The following HLCS variants were observed in gnomAD, a reference collection of about 807,000 sequenced individuals.
HLCS encodes biotin--protein ligase.
HLCS carries 53 observed loss-of-function variants against 75.0 expected under a neutral mutation model. The ratio of observed to expected loss-of-function variants is 0.71; its 90% confidence interval spans 0.57 to 0.89. The LOEUF is 0.89. Among genes scored for constraint, HLCS ranks in the 40% least tolerant of loss-of-function variants. The pLI is 0.00. For synonymous variants in HLCS, 431 were observed against 428.6 expected, an observed-to-expected ratio of 1.01 and a Z score of -0.07; for missense variants, 966 against 1,074.0, an observed-to-expected ratio of 0.90 and a Z score of 1.41.
At chr21:36,923,861 C>T (rs1338949191) in intron 5 of HLCS, among the ~76,000 whole-genome samples, 2 of 152,152 alleles carry the variant, frequency 1.3e-5, no homozygotes, top group African/African-American at 4.8e-5. Context: ...CAAAAAATTT[C>T]CAGCGTAGGT....
intron 2 of HLCS, among the ~76,000 whole-genome samples, chr21:36,951,915 G>A (rs957581354): frequency 6.6e-6 from 1 of 152,152 alleles, no homozygotes; most frequent in Non-Finnish European, 1.5e-5. Flanking sequence ...ATGAATAAGC[G>A]AAAATATGAG....
At chr21:36,854,600 AG>A (rs776038232) in intron 6 of HLCS, among the ~76,000 whole-genome samples, 19 of 152,172 alleles carry the variant, frequency 1.2e-4, no homozygotes, top group Non-Finnish European at 2.2e-4. Flanking sequence ...GCACTGAGGA[AG>A]CAGAGGTCAC....
intron 6 of HLCS, among the ~76,000 whole-genome samples, chr21:36,819,425 G>GA (rs1281336664): frequency 2.0e-5 from 3 of 152,136 alleles, no homozygotes; most frequent in African/African-American, 7.2e-5. Flanking sequence ...ATATTACACT[G>GA]AAAAAATCTG....
chr21:36,888,682 C>A (rs964416686), intron 6 of HLCS, among the ~76,000 whole-genome samples: 2 of 151,130 alleles, frequency 1.3e-5, no homozygotes, highest in African/African-American at 2.4e-5. Context: ...CTGGCGTGGG[C>A]GCATCACCAG....
rs1274687853 is a variant in HLCS, at chr21:36,753,099, T to G, written c.*1147A>C. ...AGGCTTCATTTCTTTTGTTCTTTCA[T>G]GAGGCTTGTAGCACATCAAATTTTG... On this transcript the variant is annotated 3_prime_UTR_variant, in exon 11 of 11. Transcript: ENST00000674895. The surrounding 1 kb of genome is among the most constrained non-coding windows in gnomAD (Gnocchi z 4.3). The G allele has an allele frequency of 2.6e-5, 4 of 152,822 alleles. No homozygotes were observed. In the East Asian group the frequency reaches 7.7e-4, roughly 29 times the overall value. The allele number at this position is 152,822 out of a possible 1,614,324, so 9.5% of individuals were successfully genotyped here. A position where few individuals can be genotyped will look rare whatever the true frequency, so the allele number is the denominator to read the frequency against.
chr21:36,910,609 A>T (rs1456434051), intron 5 of HLCS, among the ~76,000 whole-genome samples: 1 of 151,634 alleles, frequency 6.6e-6, no homozygotes, highest in African/African-American at 2.4e-5. Context: ...CATCTAAGGC[A>T]GGGATTGATC....
At chr21:36,904,232 C>A (rs1341989332) in intron 5 of HLCS, among the ~76,000 whole-genome samples, 1 of 152,178 alleles carries the variant, frequency 6.6e-6, no homozygotes, top group African/African-American at 2.4e-5. Flanking sequence ...GTAAGTCAAC[C>A]TGACTTGCCA....
intron 6 of HLCS, among the ~76,000 whole-genome samples, chr21:36,775,305 CT>C (rs1202718914): frequency 6.6e-6 from 1 of 152,230 alleles, no homozygotes; most frequent in Non-Finnish European, 1.5e-5. Context: ...AATGAGGCTC[CT>C]TTTTGGTAAG....
intron 6 of HLCS, among the ~76,000 whole-genome samples, chr21:36,843,442 G>A (rs1362162072): frequency 1.4e-5 from 1 of 73,164 alleles, no homozygotes; most frequent in Non-Finnish European, 2.9e-5. Flanking sequence ...TGTCCTCCCC[G>A]CCCACCCCAC....
chr21:36,821,482 G>A (rs189125649), intron 6 of HLCS, among the ~76,000 whole-genome samples: 59 of 152,320 alleles, frequency 3.9e-4, no homozygotes, highest in Non-Finnish European at 7.3e-4. Context: ...CGGCCACCGT[G>A]TCACACTTAC....
In HLCS at chr21:36,988,417, G is replaced by A. The variant is rs576180104; in HGVS notation, c.-393+1741C>T. On this transcript the variant is annotated intron_variant, in intron 1 of 11. Coordinates refer to the HLCS transcript ENST00000336648. ...CCTCACTGTTTTTTATACGTGCATT[G>A]TGTGGATGTACCAGGGTTTATTCAC... Among the ~76,000 whole-genome samples the A allele has an allele frequency of 1.4e-3, 210 of 152,264 alleles. 1 individual carries two copies. Among genetic ancestry groups the A allele is most frequent in the African/African-American group, 4.8e-3 (198 of 41,540 alleles).
In HLCS at chr21:36,938,919, T is replaced by C; in HGVS notation, c.406A>G (p.Ser136Gly). The change falls in exon 3 of 11, where the codon AGT becomes GGT. Residue 136 changes from serine (S) to glycine (G), a missense_variant. Physicochemically the swap from Ser to Gly is moderately conservative, Grantham distance 56. Transcript: ENST00000674895. ...GDPYRLIAEASVDNFSKLGVA... is the reference protein window; with the variant it reads ...GDPYRLIAEAGVDNFSKLGVA... ...CCCAGCTTGCTGAAGTTGTCCACAC[T>C]TGCTTCAGCAATTAGCCGATAAGGA... The C allele has an allele frequency of 6.2e-7, 1 of 1,613,924 alleles. No individual in the cohort carries two copies. Among genetic ancestry groups the C allele is most frequent in the Admixed American group, 1.7e-5 (1 of 60,026 alleles).
At chr21:36,790,182 C>G (rs565806042) in intron 6 of HLCS, among the ~76,000 whole-genome samples, 13 of 152,046 alleles carry the variant, frequency 8.6e-5, no homozygotes, top group Admixed American at 7.2e-4. Flanking sequence ...AAGGTGGGCC[C>G]ATCACGAGGT....
At position 36,753,708 on chromosome 21, in the gene HLCS, G is replaced by C. The variant is rs1883509026; in HGVS notation, c.*538C>G. The C allele has an allele frequency of 5.9e-6, 1 of 170,098 alleles. No individual in the cohort carries two copies. The allele number at this position is 170,098 out of a possible 1,614,324, so 10.5% of individuals were successfully genotyped here. Reference sequence around the variant, plus strand: ...ATGGGGCCACACCACCGGGTGGACAGTAACTCTTGGAAGTCTGTCTTCCCT... The same window carrying C: ...ATGGGGCCACACCACCGGGTGGACACTAACTCTTGGAAGTCTGTCTTCCCT... On this transcript the variant is annotated 3_prime_UTR_variant, in exon 11 of 11. Transcript: ENST00000674895. The surrounding 1 kb of genome is among the most constrained non-coding windows in gnomAD (Gnocchi z 4.3).
In HLCS at chr21:36,800,764, A is replaced by G. The variant is rs570023487; in HGVS notation, c.1893-33479T>C. Among the ~76,000 whole-genome samples, 5 of 152,306 alleles carry G rather than the reference A, an allele frequency of 3.3e-5. No homozygotes were observed. In the South Asian group the frequency reaches 1.0e-3, roughly 32 times the overall value. On this transcript the variant is annotated intron_variant, in intron 6 of 10. Coordinates refer to ENST00000674895, the MANE Select transcript of HLCS (RefSeq NM_001352514.2). ...ACTTCAAGTAAAAGACAGTAACTAA[A>G]AATTCTCTTTCCATCATCTGTTACC...
intron 6 of HLCS, among the ~76,000 whole-genome samples, chr21:36,861,322 A>G (rs2063374835): frequency 6.6e-6 from 1 of 152,176 alleles, no homozygotes. Flanking sequence ...GTGGTCCGTC[A>G]AGCTCTCAGG....
chr21:36,802,664 C>T (rs985678611), intron 6 of HLCS, among the ~76,000 whole-genome samples: 22 of 152,202 alleles, frequency 1.4e-4, no homozygotes, highest in South Asian at 4.1e-4. Context: ...CAAGCCCTTT[C>T]CACTTTTCTT....
chr21:36,915,740 T>C lies in HLCS; in HGVS notation c.1620+14511A>G, dbSNP rs377336855. ...CAGTTTCCTCCGGCATGCCCACAGC[T>C]GATTCTTCTAGAAACTGTTTAACAT... On this transcript the variant is annotated intron_variant, in intron 5 of 10. Transcript: ENST00000674895. Among the ~76,000 whole-genome samples, 53 of 150,780 alleles carry C rather than the reference T, an allele frequency of 3.5e-4. No individual in the cohort carries two copies. The East Asian group carries it at 5.4e-3, about 15-fold the overall frequency.
chr21:36,763,803 A>C (rs1001280500), intron 8 of HLCS, among the ~76,000 whole-genome samples: 1 of 152,210 alleles, frequency 6.6e-6, no homozygotes. Context: ...TGCTTCGGTC[A>C]CTGAGCTAAT....
Sources: gnomAD v4.1 joint callset for allele counts (sites outside exome capture counted in the v4.1 genomes callset) on GRCh38, gnomAD v4.1.1 for gene constraint, Gnocchi (gnomAD v3.1) non-coding constraint, MANE v1.5 for transcripts, NCBI Gene and HGNC (gene_info 2026-07-23, HGNC 2026-07-21) for gene names.